TASOR: variants seen among roughly 807,000 people sequenced by gnomAD.
TASOR encodes transcription activation suppressor.
A neutral mutation model predicts 178.6 loss-of-function variants in TASOR; 53 were observed. The observed-to-expected ratio is 0.30, with a 90% CI of 0.24 to 0.37. The LOEUF is 0.37. Among genes scored for constraint, TASOR ranks in the 10% least tolerant of loss-of-function variants. The probability of loss-of-function intolerance (pLI) is 1.00; values close to 1 mark genes in which losing one functional copy is unlikely to be tolerated. For missense variants in TASOR, 1,815 were observed against 1,971.4 expected (o/e 0.92, Z 1.50); for synonymous variants, 713 against 696.2 (o/e 1.02, Z -0.38).
chr3:56,675,016 G>A (rs936764451), intron 1 of TASOR, among the ~76,000 whole-genome samples: 5 of 152,026 alleles, frequency 3.3e-5, no homozygotes, highest in Admixed American at 6.6e-5. Context: ...TAGTAGAGAC[G>A]GGGTTTCACT....
At chr3:56,632,852 T>A (rs1323179568) in intron 18 of TASOR, among the ~76,000 whole-genome samples, 192 bp downstream of exon 18, 2 of 152,104 alleles carry the variant, frequency 1.3e-5, no homozygotes, top group East Asian at 3.9e-4. Context: ...TGCCCAGGCT[T>A]GTCATGAACT....
chr3:56,625,070 CT>C, intron 21 of TASOR, 64 bp from the exon 22 acceptor site: 1 of 1,513,268 alleles, frequency 6.6e-7, no homozygotes, highest in Non-Finnish European at 9.0e-7. Flanking sequence ...GAAATTTCTG[CT>C]TTAGATTAAA....
In TASOR at chr3:56,633,870, T is replaced by C; in HGVS notation, c.2921A>G (p.Tyr974Cys). The change falls in exon 18 of 24, where the codon TAC becomes TGC. Residue 974 changes from tyrosine to cysteine, a missense_variant. By Grantham distance (194) the Tyr-to-Cys change is radical (BLOSUM62 -2). This residue lies in a region of TASOR where 655 missense variants were observed against 671.1 expected (regional missense o/e 0.98). Coordinates refer to ENST00000683822, the MANE Select transcript of TASOR (RefSeq NM_001365635.2). ...RVINRQRSSD[Y>C]QFPSSPFTDT... ...TGTAAATGGAGAGGATGGAAACTGG[T>C]AATCAGAACTTCTCTGTCTATTTAT... 6.2e-7 allele frequency: 1 copy of C among 1,609,948 alleles called. No individual in the cohort carries two copies.
intron 17 of TASOR, among the ~76,000 whole-genome samples, chr3:56,638,322 C>T (rs981990634): frequency 5.9e-5 from 9 of 151,976 alleles, no homozygotes; most frequent in African/African-American, 1.7e-4. Flanking sequence ...GCCAAGGTCA[C>T]GCCACTGCAC....
rs2030952530 is a variant in TASOR, at chr3:56,673,455, A to AC, written c.477+124_477+125insG. Reference sequence around the variant, plus strand: ...CTCCAAAAAAAAAAAAAAAAAAAAAAAAACTTGTTTTCCCTTTGTAATTTG... The same window carrying AC: ...CTCCAAAAAAAAAAAAAAAAAAAAAACAAACTTGTTTTCCCTTTGTAATTTG... On this transcript the variant is annotated intron_variant, in intron 2 of 23. Transcript: ENST00000683822. The AC allele has an allele frequency of 2.2e-5, 15 of 678,144 alleles. No homozygotes were observed. The South Asian group carries it at 2.9e-4, about 13-fold the overall frequency. 42.0% of individuals were successfully genotyped at this position (678,144 alleles called of 1,614,324 possible).
intron 17 of TASOR, among the ~76,000 whole-genome samples, chr3:56,636,557 A>G (rs1251622769): frequency 6.6e-6 from 1 of 151,728 alleles, no homozygotes; most frequent in Non-Finnish European, 1.5e-5. Flanking sequence ...GGCTCAAGCC[A>G]CCATGCTCAG....
chr3:56,641,707 C>T lies in TASOR; in HGVS notation c.2261G>A (p.Arg754Lys). 6.2e-7 allele frequency: 1 copy of T among 1,614,142 alleles called. No individual in the cohort carries two copies. The highest frequency in any genetic ancestry group is 1.1e-5 in the South Asian group (1 of 91,072). Residue 754 changes from arginine to lysine, a missense_variant, in exon 15 of 24, where the codon AGG (arginine) becomes AAG (lysine). By Grantham distance (26) the Arg-to-Lys change is conservative (BLOSUM62 2). Coordinates refer to ENST00000683822, the MANE Select transcript of TASOR (RefSeq NM_001365635.2). The stretch of plus-strand genomic sequence containing the variant: ...GTTACAGGTATCCTGCTGCTGCCGC[C>T]TCAAGTCAGCATCATGTCCAAGTGA... ...IGSLGHDADL[R>K]RQQQDTCNSG... is the part of the protein sequence containing the mutation.
Position 56,648,866 on chromosome 3 carries a change from A to G in TASOR, c.1469T>C (p.Leu490Pro), listed in dbSNP as rs776682649. ...TTCTTGAAATAGAAACAAAGCATGT[A>G]GGACTCGAGACTTGGCAGTCTGATA... ...YEYQTAKSRV[L>P]HALFLFQEPR... The change falls in exon 13 of 24, where the codon CTA (leucine) becomes CCA (proline). Residue 490 changes from leucine to proline, a missense_variant. Leu to Pro is a moderately conservative substitution (Grantham distance 98). Coordinates refer to ENST00000683822, the MANE Select transcript of TASOR (RefSeq NM_001365635.2). 1 of 1,612,556 alleles carries G rather than the reference A, an allele frequency of 6.2e-7. No individual in the cohort carries two copies.
chr3:56,662,583 G>T, intron 8 of TASOR, 93 bp from the exon 9 acceptor site: 1 of 500,568 alleles, frequency 2.0e-6, no homozygotes, highest in African/African-American at 2.1e-5. Context: ...AAAATATCTA[G>T]AAACAAGGTT....
chr3:56,630,681 T>C (rs1053476007), intron 18 of TASOR, among the ~76,000 whole-genome samples: 1 of 151,936 alleles, frequency 6.6e-6, no homozygotes, highest in African/African-American at 2.4e-5. Context: ...CTGTCTCTAC[T>C]AAAAATACAA....
At position 56,624,526 on chromosome 3, in the gene TASOR, T is replaced by C; in HGVS notation, c.4436A>G (p.Glu1479Gly). 2 of 1,614,164 alleles carry C rather than the reference T, an allele frequency of 1.2e-6. No homozygotes were observed. The highest frequency in any genetic ancestry group is 1.7e-6 in the Non-Finnish European group (2 of 1,180,002). ...ATTAGCACCAAGCTGTGGAAGGTTT[T>C]CTTCTGTGATTGAATTGTGATAGCC... Reference protein sequence around the residue: ...LVGYHNSITEENLPQLGANEN... With the variant: ...LVGYHNSITEGNLPQLGANEN... The change falls in exon 23 of 24, where the codon GAA (glutamate) becomes GGA (glycine). Residue 1479 changes from glutamate to glycine, a missense_variant. By Grantham distance (98) the Glu-to-Gly change is moderately conservative. Around this residue, in one of 5 missense-constraint regions of TASOR, gnomAD observed 278 missense variants for 257.1 expected, o/e 1.08. Transcript: ENST00000683822.
intron 14 of TASOR, among the ~76,000 whole-genome samples, chr3:56,645,642 C>A (rs377199019): frequency 6.6e-6 from 1 of 152,060 alleles, no homozygotes; most frequent in East Asian, 1.9e-4. Context: ...TTAAAACAAG[C>A]GCCTTACATG....
chr3:56,681,681 T>C lies in TASOR; in HGVS notation c.331+995A>G, dbSNP rs555182849. ...AAATAATGAAAACCTAACCATACAG[T>C]AGGGCAAAAAGGAAGTTGTCTAAAT... On this transcript the variant is annotated intron_variant, in intron 1 of 23. Transcript: ENST00000683822. Among the ~76,000 whole-genome samples the C allele has an allele frequency of 7.2e-5, 11 of 152,266 alleles. No homozygotes were observed. In the South Asian group the frequency reaches 2.1e-3, roughly 29 times the overall value.
chr3:56,667,354 T>C (rs980880248), intron 6 of TASOR, among the ~76,000 whole-genome samples: 13 of 152,156 alleles, frequency 8.5e-5, no homozygotes, highest in African/African-American at 2.9e-4. Flanking sequence ...TTTTTTTTAA[T>C]GTTAAAAAGA....
intron 2 of TASOR, 66 bp from the exon 3 acceptor site, chr3:56,671,758 A>AT (rs1389379684): frequency 1.3e-3 from 1,677 of 1,257,594 alleles, no homozygotes; most frequent in East Asian, 3.0e-3. Context: ...TACAAGTTTT[A>AT]TTTTTTTTTC....
At chr3:56,650,839 G>A (rs1034846717) in intron 11 of TASOR, among the ~76,000 whole-genome samples, 5 of 151,964 alleles carry the variant, frequency 3.3e-5, no homozygotes, top group African/African-American at 4.8e-5. Flanking sequence ...TACTACAAGC[G>A]GACAATGTAC....
At chr3:56,635,817 C>T (rs2077004512) in intron 17 of TASOR, among the ~76,000 whole-genome samples, 2 of 151,942 alleles carry the variant, frequency 1.3e-5, no homozygotes, top group Non-Finnish European at 2.9e-5. Context: ...AAATGTATAG[C>T]TAAACAACAA....
chr3:56,647,420 A>T (rs1284890675), intron 13 of TASOR, among the ~76,000 whole-genome samples, 197 bp from the exon 14 acceptor site: 3 of 152,208 alleles, frequency 2.0e-5, no homozygotes, highest in Non-Finnish European at 4.4e-5. Context: ...AGGATCCTAA[A>T]ACAGGCCAAT....
In TASOR at chr3:56,633,625, C is replaced by T. The variant is rs754641019; in HGVS notation, c.3166G>A (p.Glu1056Lys). 6.2e-7 allele frequency: 1 copy of T among 1,613,992 alleles called. No homozygotes were observed. Among genetic ancestry groups the T allele is most frequent in the South Asian group, 1.1e-5 (1 of 91,072 alleles). ...TVSTPIFSTQ[E>K]KMKRLSEFIY... The stretch of plus-strand genomic sequence containing the variant: ...AACTCGGAAAGCCGTTTCATCTTCT[C>T]TTGTGTTGAAAAGATAGGTGTGGAA... The change falls in exon 18 of 24, where the codon GAG becomes AAG. Residue 1056 changes from glutamate to lysine, a missense_variant. Glu to Lys is a moderately conservative substitution (Grantham distance 56). This residue lies in a region of TASOR where 655 missense variants were observed against 671.1 expected (regional missense o/e 0.98). Transcript: ENST00000683822.
Sources: gnomAD v4.1 joint callset for allele counts (sites outside exome capture counted in the v4.1 genomes callset) on GRCh38, gnomAD v4.1.1 for gene constraint, gnomAD v4.1.1 regional missense constraint, MANE v1.5 for transcripts, NCBI Gene and HGNC (gene_info 2026-07-23, HGNC 2026-07-21) for gene names.